PRKCE: variants seen among roughly 807,000 people sequenced by gnomAD.
The protein encoded by PRKCE is protein kinase C epsilon type.
A neutral mutation model predicts 85.4 loss-of-function variants in PRKCE; 16 were observed. The ratio of observed to expected loss-of-function variants is 0.19; its 90% CI spans 0.13 to 0.28. PRKCE has a LOEUF of 0.28. PRKCE is among the 10% of genes least tolerant of loss of function. The pLI is 1.00. For missense variants in PRKCE, 573 were observed against 975.2 expected, an observed-to-expected ratio of 0.59 and a Z score of 5.49; for synonymous variants, 388 against 371.5, an observed-to-expected ratio of 1.04 and a Z score of -0.51.
chr2:46,043,281 C>A (rs755298613), intron 10 of PRKCE, among the ~76,000 whole-genome samples: 3 of 152,050 alleles, frequency 2.0e-5, no homozygotes, highest in African/African-American at 4.8e-5. Flanking sequence ...TAATTACAGC[C>A]CCTAAAAATG....
At chr2:46,119,850 C>T (rs1343025229) in intron 11 of PRKCE, among the ~76,000 whole-genome samples, 2 of 152,166 alleles carry the variant, frequency 1.3e-5, no homozygotes, top group African/African-American at 4.8e-5. Flanking sequence ...TCTCAACTCC[C>T]GTTGCTAGAA....
At chr2:46,141,330 AT>A (rs1407622012) in intron 11 of PRKCE, among the ~76,000 whole-genome samples, 1 of 152,218 alleles carries the variant, frequency 6.6e-6, no homozygotes, top group Non-Finnish European at 1.5e-5. Context: ...GCTTCAATAT[AT>A]TTTAAGTGAA....
At position 45,976,448 on chromosome 2, in the gene PRKCE, G is replaced by T. The variant is rs1232767035; in HGVS notation, c.432G>T (p.Glu144Asp). 2 of 1,599,680 alleles carry T rather than the reference G, an allele frequency of 1.3e-6. No homozygotes were observed. Among genetic ancestry groups the T allele is most frequent in the Non-Finnish European group, 1.7e-6 (2 of 1,179,966 alleles). The change falls in exon 3 of 15, where the codon GAG (glutamate) becomes GAT (aspartate). Residue 144 changes from glutamate to aspartate, a missense_variant. Glu to Asp is a conservative substitution (Grantham distance 45, BLOSUM62 2). This residue lies in a region of PRKCE where 33 missense variants were observed against 33.7 expected (regional missense o/e 0.98). Coordinates refer to ENST00000306156, the MANE Select transcript of PRKCE (RefSeq NM_005400.3). ...CCCCAGCCCCTAAAGACAATGAAGAGCGTGTGTTCAGGGAACGCATGCGGC... is the reference window on the plus strand; with the variant it reads ...CCCCAGCCCCTAAAGACAATGAAGATCGTGTGTTCAGGGAACGCATGCGGC... ...SSGEAPKDNE[E>D]RVFRERMRPR... is the part of the protein sequence containing the mutation.
intron 6 of PRKCE, among the ~76,000 whole-genome samples, chr2:45,994,836 T>C (rs907748553): frequency 6.6e-6 from 1 of 152,186 alleles, no homozygotes; most frequent in African/African-American, 2.4e-5. Context: ...GGTAATGGTA[T>C]ATTTAGTTTT....
At chr2:45,794,994 C>T (rs1687320840) in intron 1 of PRKCE, among the ~76,000 whole-genome samples, 1 of 152,126 alleles carries the variant, frequency 6.6e-6, no homozygotes, top group Admixed American at 6.6e-5. Context: ...TGTTGTTTTC[C>T]ACTCTTTCCT....
chr2:45,852,537 C>T (rs1692356708), intron 2 of PRKCE, among the ~76,000 whole-genome samples: 1 of 152,172 alleles, frequency 6.6e-6, no homozygotes, highest in African/African-American at 2.4e-5. Context: ...ATAGGTCCTG[C>T]CCTCTAGGAG....
chr2:46,054,743 CCT>C (rs1666396178), intron 10 of PRKCE, among the ~76,000 whole-genome samples: 1 of 152,170 alleles, frequency 6.6e-6, no homozygotes, highest in South Asian at 2.1e-4. Context: ...AACAAACATC[CCT>C]GTTTTACCAC....
At chr2:45,874,134 C>T (rs1161057412) in intron 2 of PRKCE, among the ~76,000 whole-genome samples, 3 of 152,248 alleles carry the variant, frequency 2.0e-5, no homozygotes, top group African/African-American at 7.2e-5. Flanking sequence ...TATGAAGTCA[C>T]ACCATGTAGG....
chr2:45,884,950 GATCCATATATATAT>G (rs1399427192), intron 2 of PRKCE, among the ~76,000 whole-genome samples: 2 of 90,792 alleles, frequency 2.2e-5, no homozygotes, highest in African/African-American at 9.5e-5. Context: ...TGTTATATGT[GATCCATATATATAT>G]ATATATATAT....
At chr2:45,963,961 G>A (rs138327622) in intron 2 of PRKCE, among the ~76,000 whole-genome samples, 9 of 152,322 alleles carry the variant, frequency 5.9e-5, no homozygotes, top group Non-Finnish European at 8.8e-5. Context: ...AGGTAGCTGG[G>A]AGCCTTGTGA....
chr2:45,870,662 G>C lies in PRKCE; in HGVS notation c.412+27599G>C, dbSNP rs550658627. ...GTAGTCAAGGGGGAAGAGCCTCGTG[G>C]TCAAGGGTGTAGTTTTTGGAGCCAG... is the stretch of plus-strand genomic sequence containing the variant. On this transcript the variant is annotated intron_variant, in intron 2 of 14. Transcript: ENST00000306156. Among the ~76,000 whole-genome samples the C allele has an allele frequency of 2.0e-5, 3 of 152,280 alleles. No homozygotes were observed. The South Asian group carries it at 6.2e-4, about 32-fold the overall frequency.
At chr2:46,157,020 G>A (rs778764465) in intron 13 of PRKCE, among the ~76,000 whole-genome samples, 2 of 152,080 alleles carry the variant, frequency 1.3e-5, no homozygotes, top group Non-Finnish European at 1.5e-5. Flanking sequence ...TTTTCCTGTC[G>A]ATGGTGTATC....
chr2:46,044,850 G>T (rs1170347421), intron 10 of PRKCE, among the ~76,000 whole-genome samples: 1 of 152,182 alleles, frequency 6.6e-6, no homozygotes, highest in South Asian at 2.1e-4. Flanking sequence ...GCTCCGCTCT[G>T]CCTCTCCAAG....
In PRKCE at chr2:45,727,685, C is replaced by T. The variant is rs1406743772; in HGVS notation, c.348+75237C>T. Among the ~76,000 whole-genome samples the T allele has an allele frequency of 2.6e-5, 4 of 152,132 alleles. No individual in the cohort carries two copies. In the East Asian group the frequency reaches 5.8e-4, roughly 22 times the overall value. On this transcript the variant is annotated intron_variant, in intron 1 of 14. Coordinates refer to ENST00000306156, the MANE Select transcript of PRKCE (RefSeq NM_005400.3). ...TTATTTTATTTTTAAGACGGAGTCTCGCTCTGTCACCCAGGCTAGAGTGCA... is the reference window on the plus strand; with the variant it reads ...TTATTTTATTTTTAAGACGGAGTCTTGCTCTGTCACCCAGGCTAGAGTGCA...
At chr2:45,680,639 C>G (rs1326299705) in intron 1 of PRKCE, among the ~76,000 whole-genome samples, 2 of 152,194 alleles carry the variant, frequency 1.3e-5, no homozygotes, top group Non-Finnish European at 2.9e-5. Context: ...CAGATATATA[C>G]ATACATATAT....
intron 1 of PRKCE, among the ~76,000 whole-genome samples, chr2:45,703,022 C>CCG (rs1042249595): frequency 1.6e-3 from 86 of 55,128 alleles, no homozygotes; most frequent in Non-Finnish European, 2.5e-3. Flanking sequence ...AGCCTTTTTT[C>CCG]CCCCCCCGTC....
At chr2:45,883,113 G>A (rs1421218022) in intron 2 of PRKCE, among the ~76,000 whole-genome samples, 2 of 152,230 alleles carry the variant, frequency 1.3e-5, no homozygotes, top group Non-Finnish European at 2.9e-5. Flanking sequence ...ACTTCTTTGA[G>A]GTACTGACTC....
chr2:46,094,853 A>G (rs190903604), intron 11 of PRKCE, among the ~76,000 whole-genome samples: 1 of 151,932 alleles, frequency 6.6e-6, no homozygotes, highest in African/African-American at 2.4e-5. Flanking sequence ...GTATCATTCC[A>G]TTGTCTTCCA....
intron 2 of PRKCE, among the ~76,000 whole-genome samples, chr2:45,917,160 T>C (rs1325828284): frequency 1.3e-5 from 2 of 152,206 alleles, no homozygotes; most frequent in East Asian, 1.9e-4. Flanking sequence ...AGGGCGCTGA[T>C]TGGTGCGTTT....
Sources: gnomAD v4.1 joint callset for allele counts (sites outside exome capture counted in the v4.1 genomes callset) on GRCh38, gnomAD v4.1.1 for gene constraint, gnomAD v4.1.1 regional missense constraint, MANE v1.5 for transcripts, NCBI Gene and HGNC (gene_info 2026-07-23, HGNC 2026-07-21) for gene names.